The following PIK3R4 variants were observed in gnomAD, a reference collection of about 807,000 sequenced individuals.
PIK3R4 encodes the protein phosphoinositide 3-kinase regulatory subunit 4.
PIK3R4 carries 46 observed loss-of-function variants against 136.5 expected under a neutral mutation model. The observed-to-expected ratio is 0.34, with a 90% confidence interval of 0.27 to 0.43. PIK3R4 has a LOEUF of 0.43. PIK3R4 is among the 20% of genes least tolerant of loss of function. The pLI is 1.00. For missense variants in PIK3R4, 1,331 were observed against 1,649.5 expected, an observed-to-expected ratio of 0.81 and a Z score of 3.35; for synonymous variants, 557 against 566.7, an observed-to-expected ratio of 0.98 and a Z score of 0.24.
At position 130,686,318 on chromosome 3, in the gene PIK3R4, C is replaced by G. The variant is rs1214744667; in HGVS notation, c.3368G>C (p.Gly1123Ala). ...ATTGCTTGAAGACCTAAGGTCCCAG[C>G]CAACCAGAGAGCCATTCACAGTGGC... ...AYATVNGSLV[G>A]WDLRSSSNAW... The change falls in exon 15 of 20, where the codon GGC becomes GCC. Residue 1123 changes from glycine to alanine, a missense_variant. Gly to Ala is a moderately conservative substitution (Grantham distance 60). This residue lies in a region of PIK3R4 where 1,180 missense variants were observed against 1,407.0 expected (regional missense o/e 0.84). Transcript: ENST00000356763. The G allele has an allele frequency of 6.2e-7, 1 of 1,613,404 alleles. No homozygotes were observed. Among genetic ancestry groups the G allele is most frequent in the Non-Finnish European group, 8.5e-7 (1 of 1,179,428 alleles).
intron 19 of PIK3R4, among the ~76,000 whole-genome samples, chr3:130,679,927 T>C (rs2066445999): frequency 1.3e-5 from 2 of 151,772 alleles, no homozygotes; most frequent in African/African-American, 2.4e-5. Flanking sequence ...AATACAAAAA[T>C]TAGCAGGGTG....
chr3:130,740,721 C>A (rs560800272), intron 2 of PIK3R4, among the ~76,000 whole-genome samples: 1 of 152,134 alleles, frequency 6.6e-6, no homozygotes, highest in South Asian at 2.1e-4. Context: ...CAGAGCAAGA[C>A]TCTGTCTCAA....
chr3:130,736,756 C>T (rs1415534057), intron 2 of PIK3R4, among the ~76,000 whole-genome samples: 2 of 151,796 alleles, frequency 1.3e-5, no homozygotes, highest in Non-Finnish European at 2.9e-5. Flanking sequence ...CATCATTAAA[C>T]AGAAAGTTTA....
intron 13 of PIK3R4, among the ~76,000 whole-genome samples, chr3:130,692,811 A>G (rs754844960): frequency 5.9e-5 from 9 of 152,216 alleles, no homozygotes; most frequent in Non-Finnish European, 8.8e-5. Flanking sequence ...TCTCTCACAC[A>G]CACTTAGGCT....
At chr3:130,702,631 G>A (rs1475492607) in intron 13 of PIK3R4, among the ~76,000 whole-genome samples, 2 of 152,100 alleles carry the variant, frequency 1.3e-5, no homozygotes, top group Admixed American at 1.3e-4. Flanking sequence ...TTTCTTTTCA[G>A]ACCAAACTAG....
intron 14 of PIK3R4, among the ~76,000 whole-genome samples, chr3:130,687,522 T>G (rs1334351457): frequency 6.6e-6 from 1 of 152,148 alleles, no homozygotes; most frequent in East Asian, 1.9e-4. Context: ...AATTTTAACA[T>G]CCATTTGAGG....
intron 2 of PIK3R4, among the ~76,000 whole-genome samples, chr3:130,738,287 G>C (rs1205153089): frequency 6.6e-6 from 1 of 152,166 alleles, no homozygotes; most frequent in African/African-American, 2.4e-5. Context: ...TAAGTTAGGT[G>C]TATTAAATGC....
chr3:130,686,477 T>A, intron 14 of PIK3R4, 55 bp from the exon 15 acceptor site: 1 of 1,045,814 alleles, frequency 9.6e-7, no homozygotes, highest in Non-Finnish European at 1.5e-6. Context: ...ATAGCACTAG[T>A]CTCCCTTTAA....
intron 1 of PIK3R4, 25 bp from the exon 2 acceptor site, chr3:130,745,289 G>GA: frequency 7.1e-7 from 1 of 1,410,756 alleles, no homozygotes; most frequent in Non-Finnish European, 9.4e-7. Context: ...AACAAATGAA[G>GA]AAAAAAGACA....
At chr3:130,694,025 G>A (rs1008867984) in intron 13 of PIK3R4, among the ~76,000 whole-genome samples, 17 of 151,826 alleles carry the variant, frequency 1.1e-4, no homozygotes, top group Admixed American at 1.1e-3. Context: ...TTTCCCAACT[G>A]AAATATCCTG....
At chr3:130,723,307 C>G (rs10433411) in intron 7 of PIK3R4, 107 bp downstream of exon 7, 9,282 of 907,496 alleles carry the variant, frequency 0.01, 330 homozygotes, top group East Asian at 0.086. Flanking sequence ...TAGTAGGAAC[C>G]CCACACAATC....
intron 1 of PIK3R4, among the ~76,000 whole-genome samples, chr3:130,745,803 C>A (rs1268619978): frequency 1.3e-5 from 2 of 152,106 alleles, no homozygotes; most frequent in Non-Finnish European, 2.9e-5. Flanking sequence ...GCGGGAGGAT[C>A]ACGAGGTCAG....
In PIK3R4 at chr3:130,718,584, C is replaced by T. The variant is rs756915154; in HGVS notation, c.1982-50G>A. ...GATCAAATAAGTTATTTCAAACTATCGGGATAAACAAATTTTTACCTTATA... is the reference window on the plus strand; with the variant it reads ...GATCAAATAAGTTATTTCAAACTATTGGGATAAACAAATTTTTACCTTATA... On this transcript the variant is annotated intron_variant, in intron 7 of 19. Coordinates refer to ENST00000356763, the MANE Select transcript of PIK3R4 (RefSeq NM_014602.3). 31 of 1,587,398 alleles carry T rather than the reference C, an allele frequency of 2.0e-5. No individual in the cohort carries two copies. In the East Asian group the frequency reaches 3.8e-4, roughly 20 times the overall value.
intron 7 of PIK3R4, among the ~76,000 whole-genome samples, chr3:130,721,380 T>G (rs996906771): frequency 5.9e-5 from 9 of 152,032 alleles, no homozygotes; most frequent in Non-Finnish European, 1.0e-4. Flanking sequence ...CCTGTGATCT[T>G]GCAATCCCTC....
In PIK3R4 at chr3:130,734,149, A is replaced by C; in HGVS notation, c.868-19T>G. ...GAGTTACCTATACCAAGGGAAGAAA[A>C]GGAATTAAAATAGATTTGAGAATAG... On this transcript the variant is annotated intron_variant, in intron 3 of 19. Coordinates refer to ENST00000356763, the MANE Select transcript of PIK3R4 (RefSeq NM_014602.3). The C allele has an allele frequency of 3.2e-6, 5 of 1,558,586 alleles. No homozygotes were observed. The highest frequency in any genetic ancestry group is 4.4e-6 in the Non-Finnish European group (5 of 1,148,884).
chr3:130,711,252 C>T (rs1311396698), intron 9 of PIK3R4, among the ~76,000 whole-genome samples: 1 of 151,978 alleles, frequency 6.6e-6, no homozygotes, highest in African/African-American at 2.4e-5. Context: ...CAGACACACA[C>T]TTTTCAGGCA....
rs200120779 is a variant in PIK3R4, at chr3:130,743,255, T to TAA, written c.733+1229_733+1230dup. On this transcript the variant is annotated intron_variant, in intron 2 of 19. Coordinates refer to ENST00000356763, the MANE Select transcript of PIK3R4 (RefSeq NM_014602.3). ...GTAAAATAGTCTCTACCAAAAATGT[T>TAA]AAAAAAAAAAAAAGTCAACTGGGTG... 1.4e-4 allele frequency among the ~76,000 whole-genome samples: 20 copies of TAA among 141,036 alleles called. 1 individual carries two copies. Among genetic ancestry groups the TAA allele is most frequent in the Admixed American group, 1.0e-3 (14 of 14,068 alleles). 92.5% of individuals were successfully genotyped at this position (141,036 alleles called of 152,430 possible).
At chr3:130,718,243 C>T in intron 8 of PIK3R4, 146 bp downstream of exon 8, 1 of 664,578 alleles carries the variant, frequency 1.5e-6, no homozygotes, top group East Asian at 2.7e-5. Flanking sequence ...GGTTCATTAA[C>T]ATTAATTAGC....
intron 9 of PIK3R4, among the ~76,000 whole-genome samples, chr3:130,715,530 CAT>C (rs1203023463): frequency 6.6e-6 from 1 of 152,042 alleles, no homozygotes; most frequent in Non-Finnish European, 1.5e-5. Flanking sequence ...AGCTTTTTTT[CAT>C]ATGTTTGTTG....
Sources: gnomAD v4.1 joint callset for allele counts (sites outside exome capture counted in the v4.1 genomes callset) on GRCh38, gnomAD v4.1.1 for gene constraint, gnomAD v4.1.1 regional missense constraint, MANE v1.5 for transcripts, NCBI Gene and HGNC (gene_info 2026-07-23, HGNC 2026-07-21) for gene names.